The following LAMC3 variants were observed in gnomAD, a reference collection of about 807,000 sequenced individuals.
LAMC3 encodes the protein laminin subunit gamma 3, also known as laminin subunit gamma-3.
A neutral mutation model predicts 173.8 loss-of-function variants in LAMC3; 128 were observed. The observed-to-expected ratio is 0.74, with a 90% CI of 0.64 to 0.85. The LOEUF (loss-of-function observed/expected upper bound fraction) is 0.85. Among genes scored for constraint, LAMC3 ranks in the 40% least tolerant of loss-of-function variants. LAMC3 has a pLI of 0.00. For missense variants in LAMC3, 2,022 were observed against 2,156.0 expected, an observed-to-expected ratio of 0.94 and a Z score of 1.23; for synonymous variants, 897 against 909.1, an observed-to-expected ratio of 0.99 and a Z score of 0.24.
At chr9:131,040,700 C>T (rs1834034337) in intron 6 of LAMC3, among the ~76,000 whole-genome samples, 1 of 152,152 alleles carries the variant, frequency 6.6e-6, no homozygotes, top group Non-Finnish European at 1.5e-5. Flanking sequence ...CCCCTGCCCC[C>T]TCTCCCCAGC....
rs1325500728 is a variant in LAMC3 at position 131,009,548 on chromosome 9, G to A, written c.334G>A (p.Val112Met). The change falls in exon 1 of 28, where the codon GTG (valine) becomes ATG (methionine). Residue 112 changes from valine (V) to methionine (M), a missense_variant. Transcript: ENST00000361069. The surrounding 1 kb of genome is among the most constrained non-coding windows in gnomAD (Gnocchi z 4.3). The part of the protein sequence containing the change: ...WWQSPSMAFG[V>M]QYPTSVNITL... ...GCAGAGCCCGTCCATGGCCTTCGGC[G>A]TGCAGTACCCCACCTCGGTCAACAT... 1.3e-5 allele frequency: 21 copies of A among 1,568,668 alleles called. No individual in the cohort carries two copies. Among genetic ancestry groups the A allele is most frequent in the African/African-American group, 2.7e-5 (2 of 73,846 alleles).
chr9:131,024,150 C>CTT (rs34368388), intron 1 of LAMC3, among the ~76,000 whole-genome samples: 1,544 of 131,492 alleles, frequency 0.012, 50 homozygotes, highest in African/African-American at 0.041. Flanking sequence ...GAAGTTTTAG[C>CTT]TTTTTTTTTT....
rs1344656714 is a variant in LAMC3, at chr9:131,029,399, C to A, written c.679-2646C>A. On this transcript the variant is annotated intron_variant, in intron 2 of 27. Coordinates refer to ENST00000361069, the MANE Select transcript of LAMC3 (RefSeq NM_006059.4). This position sits in a 1 kb window ranked among gnomAD's most constrained non-coding sequence, Gnocchi z 4.6. ...GAAGACAGGCAGGGAGGGCCGGCCC[C>A]CGCTCCCACCTGCGTCTGTGCAGCC... Among the ~76,000 whole-genome samples the A allele has an allele frequency of 1.3e-5, 2 of 152,226 alleles. No individual in the cohort carries two copies. Among genetic ancestry groups the A allele is most frequent in the African/African-American group, 4.8e-5 (2 of 41,470 alleles).
chr9:131,028,105 TCCTGTCAGATCA>T (rs1564366486), intron 2 of LAMC3, among the ~76,000 whole-genome samples: 2 of 81,060 alleles, frequency 2.5e-5, no homozygotes, highest in African/African-American at 1.3e-4. Context: ...GAGCTCCGCC[TCCTGTCAGATCA>T]GCCTCCTGTC....
intron 1 of LAMC3, among the ~76,000 whole-genome samples, chr9:131,015,301 G>A (rs1035909469): frequency 1.3e-4 from 20 of 152,102 alleles, no homozygotes; most frequent in African/African-American, 4.8e-4. Context: ...GTACTCCTAA[G>A]CCACGGTGTT....
intron 12 of LAMC3, among the ~76,000 whole-genome samples, chr9:131,059,144 C>T (rs113409341): frequency 0.61 from 92,116 of 151,366 alleles, 29,228 homozygotes; most frequent in Non-Finnish European, 0.7. Context: ...TGTAGTGAGC[C>T]GGGATCGCGC....
At chr9:131,084,750 C>G (rs948800748) in intron 24 of LAMC3, among the ~76,000 whole-genome samples, 20 of 150,698 alleles carry the variant, frequency 1.3e-4, no homozygotes, top group African/African-American at 4.9e-4. Context: ...AAAAAAAATA[C>G]CAGCCGTGTA....
chr9:131,032,296 G>A, intron 3 of LAMC3, 121 bp downstream of exon 3: 1 of 859,352 alleles, frequency 1.2e-6, no homozygotes, highest in South Asian at 1.4e-5. Context: ...CAGGGGAGAG[G>A]GAGGGAGCAC....
In LAMC3 at chr9:131,050,493, A is replaced by G. The variant is rs538534308; in HGVS notation, c.1630+1363A>G. ...AAGATAAGTATTTAGGCCGAGCGCA[A>G]TGGCTCACACCTGTAATCCCAGCAC... On this transcript the variant is annotated intron_variant, in intron 9 of 27. Coordinates refer to ENST00000361069, the MANE Select transcript of LAMC3 (RefSeq NM_006059.4). Among the ~76,000 whole-genome samples, 4 of 152,248 alleles carry G rather than the reference A, an allele frequency of 2.6e-5. No homozygotes were observed. In the East Asian group the frequency reaches 5.8e-4, roughly 22 times the overall value.
chr9:131,051,126 G>A (rs562798676), intron 9 of LAMC3, among the ~76,000 whole-genome samples: 6 of 152,276 alleles, frequency 3.9e-5, no homozygotes, highest in African/African-American at 9.6e-5. Flanking sequence ...AAGCTGTGGC[G>A]GGGCGCGCTA....
At chr9:131,060,367 G>C (rs1388107786) in intron 12 of LAMC3, among the ~76,000 whole-genome samples, 1 of 152,198 alleles carries the variant, frequency 6.6e-6, no homozygotes, top group Non-Finnish European at 1.5e-5. Flanking sequence ...GTGCTGGCCG[G>C]GCACGGTGGC....
chr9:131,047,584 G>A (rs1025082681), intron 8 of LAMC3, among the ~76,000 whole-genome samples: 1 of 147,590 alleles, frequency 6.8e-6, no homozygotes, highest in African/African-American at 2.5e-5. Context: ...GGGCGCAGTG[G>A]CTCACGCCTG....
At chr9:131,056,410 A>G (rs981346498) in intron 11 of LAMC3, among the ~76,000 whole-genome samples, 1 of 151,766 alleles carries the variant, frequency 6.6e-6, no homozygotes, top group African/African-American at 2.4e-5. Context: ...CTGTGGATGG[A>G]TATCTTTCCA....
At chr9:131,052,788 C>G in intron 10 of LAMC3, 62 bp from the exon 11 acceptor site, 3 of 1,234,884 alleles carry the variant, frequency 2.4e-6, no homozygotes, top group Non-Finnish European at 3.6e-6. Context: ...TACCCCCCAT[C>G]CCCAGGCATG....
intron 11 of LAMC3, among the ~76,000 whole-genome samples, chr9:131,056,254 CTT>C (rs2133289727): frequency 6.6e-6 from 1 of 152,142 alleles, no homozygotes; most frequent in South Asian, 2.1e-4. Context: ...AGACCTTAAA[CTT>C]TGCCTAAATG....
At chr9:131,024,084 G>A (rs770388060) in intron 1 of LAMC3, among the ~76,000 whole-genome samples, 1 of 150,082 alleles carries the variant, frequency 6.7e-6, no homozygotes, top group African/African-American at 2.4e-5. Flanking sequence ...TTCTAAGAAG[G>A]CTCTTCTAGT....
At chr9:131,021,231 C>G (rs1833617975) in intron 1 of LAMC3, 1 of 152,170 alleles carries the variant, frequency 6.6e-6, no homozygotes, top group Non-Finnish European at 1.5e-5. Context: ...AGAGAAAGCA[C>G]AGGGACGCTG....
At chr9:131,033,811 G>T (rs931624581) in intron 3 of LAMC3, among the ~76,000 whole-genome samples, 1 of 152,120 alleles carries the variant, frequency 6.6e-6, no homozygotes, top group African/African-American at 2.4e-5. Flanking sequence ...GGCCATGGGA[G>T]TGGGGAGCGG....
intron 3 of LAMC3, among the ~76,000 whole-genome samples, chr9:131,035,366 C>T (rs751516450): frequency 1.3e-4 from 20 of 151,732 alleles, no homozygotes; most frequent in East Asian, 1.9e-4. Context: ...ACAATCATGG[C>T]GGAAAGTGAA....
Sources: gnomAD v4.1 joint callset for allele counts (sites outside exome capture counted in the v4.1 genomes callset) on GRCh38, gnomAD v4.1.1 for gene constraint, Gnocchi (gnomAD v3.1) non-coding constraint, MANE v1.5 for transcripts, NCBI Gene and HGNC (gene_info 2026-07-23, HGNC 2026-07-21) for gene names.